PCDHA13: variants seen among roughly 807,000 people sequenced by gnomAD.
The protein encoded by PCDHA13 is protocadherin alpha-13.
Under a neutral mutation model 64.8 loss-of-function variants are expected in PCDHA13, and 54 were observed. That is an observed-to-expected ratio of 0.83 (90% CI 0.67 to 1.04). PCDHA13 has a LOEUF of 1.04. PCDHA13 is among the 50% of genes least tolerant of loss of function. The probability of loss-of-function intolerance (pLI) is 0.00; values close to 1 mark genes in which losing one functional copy is unlikely to be tolerated. For missense variants in PCDHA13, 1,248 were observed against 1,254.3 expected, an observed-to-expected ratio of 0.99 and a Z score of 0.08; for synonymous variants, 587 against 564.4, an observed-to-expected ratio of 1.04 and a Z score of -0.57.
chr5:140,976,395 T>G (rs973484895), intron 1 of PCDHA13, among the ~76,000 whole-genome samples: 1 of 151,734 alleles, frequency 6.6e-6, no homozygotes, highest in Middle Eastern at 3.4e-3. Flanking sequence ...TACTAAAAAT[T>G]CAAAAATTAG....
In PCDHA13 at chr5:140,935,762, C is replaced by T. The variant is rs187194530; in HGVS notation, c.2395-43187C>T. Among the ~76,000 whole-genome samples the T allele has an allele frequency of 2.5e-3, 386 of 152,162 alleles. 3 individuals are homozygous for T. The highest frequency in any genetic ancestry group is 0.018 in the South Asian group (87 of 4,822). On this transcript the variant is annotated intron_variant, in intron 1 of 3. Transcript: ENST00000289272. ...TTATTCCATACAATACACATTCTTC[C>T]CCACTTTGAGTTTTTTCACTTAAAA... is the stretch of plus-strand genomic sequence containing the variant.
At chr5:140,959,285 G>A (rs2095478960) in intron 1 of PCDHA13, among the ~76,000 whole-genome samples, 1 of 152,002 alleles carries the variant, frequency 6.6e-6, no homozygotes, top group African/African-American at 2.4e-5. Flanking sequence ...CCTGAGGTGG[G>A]AGCATCACTG....
intron 3 of PCDHA13, among the ~76,000 whole-genome samples, chr5:140,989,687 G>A (rs956131200): frequency 2.0e-4 from 31 of 152,176 alleles, no homozygotes; most frequent in African/African-American, 6.3e-4. Flanking sequence ...TCAAAGGAAC[G>A]TGAAAATTTT....
At chr5:140,973,870 T>A (rs2153801427) in intron 1 of PCDHA13, among the ~76,000 whole-genome samples, 1 of 152,264 alleles carries the variant, frequency 6.6e-6, no homozygotes. Flanking sequence ...CAATGAGAGG[T>A]CAGAATAATG....
chr5:140,946,219 G>T (rs2093905754), intron 1 of PCDHA13, among the ~76,000 whole-genome samples: 1 of 151,856 alleles, frequency 6.6e-6, no homozygotes, highest in African/African-American at 2.4e-5. Context: ...TGACCAACAG[G>T]TATACTAAAA....
At chr5:141,005,095 A>T (rs1554259887) in intron 3 of PCDHA13, among the ~76,000 whole-genome samples, 1 of 152,192 alleles carries the variant, frequency 6.6e-6, no homozygotes, top group South Asian at 2.1e-4. Flanking sequence ...CTTTACATGC[A>T]TTACATCATT....
intron 3 of PCDHA13, among the ~76,000 whole-genome samples, chr5:140,982,864 T>G (rs1294289316): frequency 1.3e-5 from 2 of 152,114 alleles, no homozygotes; most frequent in Non-Finnish European, 2.9e-5. Flanking sequence ...TTCAAATGCT[T>G]AGGTCATCCA....
In PCDHA13 at chr5:140,883,711, C is replaced by T. The variant is rs1554179442; in HGVS notation, c.1443C>T (p.Asp481=). 4 of 1,613,576 alleles carry T rather than the reference C, an allele frequency of 2.5e-6. No individual in the cohort carries two copies. Among genetic ancestry groups the T allele is most frequent in the Non-Finnish European group, 3.4e-6 (4 of 1,179,826 alleles). The part of the protein sequence containing the change: ...GCHIFTVSAQ[D]ADAQENALVS... ...ACATCTTCACGGTGTCTGCTCAGGACGCGGACGCACAGGAGAACGCGCTGG... is the reference window on the plus strand; with the variant it reads ...ACATCTTCACGGTGTCTGCTCAGGATGCGGACGCACAGGAGAACGCGCTGG... Residue 481 remains aspartate (D), a synonymous_variant, in exon 1 of 4, where the codon GAC becomes GAT. Coordinates refer to ENST00000289272, the MANE Select transcript of PCDHA13 (RefSeq NM_018904.3).
chr5:141,008,359 G>A (rs1369587129), intron 3 of PCDHA13, among the ~76,000 whole-genome samples: 1 of 152,150 alleles, frequency 6.6e-6, no homozygotes, highest in Non-Finnish European at 1.5e-5. Flanking sequence ...GTCAACCAAA[G>A]GAGCAGTGTT....
At chr5:140,921,101 C>A (rs1331761775) in intron 1 of PCDHA13, among the ~76,000 whole-genome samples, 1 of 152,002 alleles carries the variant, frequency 6.6e-6, no homozygotes, top group Non-Finnish European at 1.5e-5. Context: ...CTGCCTCAGT[C>A]TCCTAAGTAG....
chr5:140,939,710 T>A (rs1317905162), intron 1 of PCDHA13, among the ~76,000 whole-genome samples: 8 of 152,230 alleles, frequency 5.3e-5, no homozygotes, highest in Non-Finnish European at 1.2e-4. Context: ...ATTTGTGAGA[T>A]ACATTTATAT....
At chr5:140,947,059 A>G (rs1297447274) in intron 1 of PCDHA13, among the ~76,000 whole-genome samples, 2 of 151,742 alleles carry the variant, frequency 1.3e-5, no homozygotes, top group Admixed American at 1.3e-4. Flanking sequence ...ATCATTACAC[A>G]GTGTATATAT....
At chr5:140,978,420 G>A (rs1489182751) in intron 1 of PCDHA13, among the ~76,000 whole-genome samples, 3 of 152,220 alleles carry the variant, frequency 2.0e-5, no homozygotes, top group African/African-American at 7.2e-5. Flanking sequence ...AAAAGAGACT[G>A]TTATCAGTTG....
At chr5:140,925,682 G>A (rs1554202871) in intron 1 of PCDHA13, among the ~76,000 whole-genome samples, 1 of 122,672 alleles carries the variant, frequency 8.2e-6, no homozygotes, top group Non-Finnish European at 1.8e-5. Context: ...ATAATAAAGC[G>A]AGGGTGGGTA....
rs1414020840 is a variant in PCDHA13, at chr5:140,920,855, AAAAC to A, written c.2394+36202_2394+36205del. On this transcript the variant is annotated intron_variant, in intron 1 of 3. Transcript: ENST00000289272. ...AAGACCAAATCTAAAAAAAAAAAAA[AAAAC>A]AAACAAACTGTGGCCCTTAGAACTT... Among the ~76,000 whole-genome samples the A allele has an allele frequency of 3.9e-5, 6 of 152,094 alleles. No homozygotes were observed. The East Asian group carries it at 5.8e-4, about 15-fold the overall frequency.
chr5:140,987,207 C>A (rs1475441121), intron 3 of PCDHA13, among the ~76,000 whole-genome samples: 1 of 148,672 alleles, frequency 6.7e-6, no homozygotes, highest in African/African-American at 2.5e-5. Context: ...GAGTGAGACT[C>A]CATCTCAAAA....
At chr5:140,889,331 T>A (rs2153427061) in intron 1 of PCDHA13, among the ~76,000 whole-genome samples, 1 of 152,216 alleles carries the variant, frequency 6.6e-6, no homozygotes, top group Middle Eastern at 3.4e-3. Flanking sequence ...ATCAGGATTT[T>A]GATTGGTGGG....
chr5:141,007,037 T>C (rs1413139986), intron 3 of PCDHA13, among the ~76,000 whole-genome samples: 1 of 152,170 alleles, frequency 6.6e-6, no homozygotes, highest in Non-Finnish European at 1.5e-5. Flanking sequence ...TTTATATCTA[T>C]GGATATGGCT....
chr5:141,010,074 G>T lies in PCDHA13; in HGVS notation c.*137G>T, dbSNP rs1444826216. The stretch of plus-strand genomic sequence containing the variant: ...CTCAGAAATCTGCAGAAAGTTCCCT[G>T]TGTCTGTCTAGAACGCATTTAACAG... On this transcript the variant is annotated 3_prime_UTR_variant, in exon 4 of 4. Coordinates refer to ENST00000289272, the MANE Select transcript of PCDHA13 (RefSeq NM_018904.3). 6.8e-6 allele frequency: 11 copies of T among 1,607,726 alleles called. No individual in the cohort carries two copies. Among genetic ancestry groups the T allele is most frequent in the Non-Finnish European group, 9.3e-6 (11 of 1,176,762 alleles).
Sources: gnomAD v4.1 joint callset for allele counts (sites outside exome capture counted in the v4.1 genomes callset) on GRCh38, gnomAD v4.1.1 for gene constraint, MANE v1.5 for transcripts, NCBI Gene and HGNC (gene_info 2026-07-23, HGNC 2026-07-21) for gene names.